Variants in CYRIA observed in about 807,000 individuals in gnomAD.
CYRIA encodes CYFIP related Rac1 interactor A.
CYRIA carries 15 observed loss-of-function variants against 43.9 expected under a neutral mutation model. The observed-to-expected ratio is 0.34, with a 90% CI of 0.23 to 0.53. The LOEUF is 0.53. Ranked by LOEUF, CYRIA falls within the 20% of genes least tolerant of loss-of-function variation. The pLI, the probability that CYRIA is intolerant of heterozygous loss-of-function variation, is 0.94. For missense variants in CYRIA, 236 were observed against 394.2 expected, an observed-to-expected ratio of 0.60 and a Z score of 3.40; for synonymous variants, 117 against 136.0, an observed-to-expected ratio of 0.86 and a Z score of 0.97.
intron 3 of CYRIA, among the ~76,000 whole-genome samples, chr2:16,583,207 G>A (rs1667611875): frequency 6.6e-6 from 1 of 152,170 alleles, no homozygotes; most frequent in Admixed American, 6.5e-5. Flanking sequence ...GATAGATCAA[G>A]TTATTTGCTG....
At chr2:16,563,892 G>A (rs1468167478) in intron 5 of CYRIA, 97 bp downstream of exon 5, 1 of 774,600 alleles carries the variant, frequency 1.3e-6, no homozygotes, top group Non-Finnish European at 2.1e-6. Context: ...GATGGATGTG[G>A]GACATTTTCC....
chr2:16,561,899 C>A, intron 6 of CYRIA, 106 bp downstream of exon 6: 1 of 1,068,378 alleles, frequency 9.4e-7, no homozygotes, highest in Non-Finnish European at 1.4e-6. Context: ...GGAATTACAT[C>A]TTACTCATTT....
intron 2 of CYRIA, among the ~76,000 whole-genome samples, chr2:16,602,460 G>A (rs73211565): frequency 0.031 from 4,733 of 152,084 alleles, 232 homozygotes; most frequent in South Asian, 0.094. Context: ...TCAAAGATGT[G>A]TCTGATTGCA....
At chr2:16,555,300 C>G (rs1214578744) in intron 10 of CYRIA, among the ~76,000 whole-genome samples, 161 bp from the exon 11 acceptor site, 1 of 152,160 alleles carries the variant, frequency 6.6e-6, no homozygotes, top group Non-Finnish European at 1.5e-5. Flanking sequence ...GGCTGGTGAG[C>G]TGTTCCTCTG....
chr2:16,642,979 C>T lies in CYRIA; in HGVS notation c.-166-18960G>A, dbSNP rs75365191. Among the ~76,000 whole-genome samples, 517 of 150,050 alleles carry T rather than the reference C, an allele frequency of 3.4e-3. 6 individuals carry two copies. Among genetic ancestry groups the T allele is most frequent in the African/African-American group, 0.012 (493 of 41,078 alleles). ...GAAGGCAATAAATATTCCTTTATTACCTTACCTTAAAGTTATTATTATTAT... is the reference window on the plus strand; with the variant it reads ...GAAGGCAATAAATATTCCTTTATTATCTTACCTTAAAGTTATTATTATTAT... On this transcript the variant is annotated intron_variant, in intron 1 of 11. Coordinates refer to ENST00000381323, the MANE Select transcript of CYRIA (RefSeq NM_030797.4).
intron 2 of CYRIA, among the ~76,000 whole-genome samples, chr2:16,606,359 C>A (rs926277722): frequency 4.0e-5 from 6 of 150,712 alleles, no homozygotes; most frequent in Admixed American, 4.0e-4. Flanking sequence ...TCCCGATGCC[C>A]TTCTCTTGGG....
At chr2:16,570,188 T>G (rs1206150375) in intron 3 of CYRIA, among the ~76,000 whole-genome samples, 3 of 152,144 alleles carry the variant, frequency 2.0e-5, no homozygotes, top group African/African-American at 7.2e-5. Flanking sequence ...TGACAAGGTC[T>G]GGCTCTGTCA....
chr2:16,626,719 C>T (rs1669179755), intron 1 of CYRIA, among the ~76,000 whole-genome samples: 1 of 152,128 alleles, frequency 6.6e-6, no homozygotes, highest in Non-Finnish European at 1.5e-5. Context: ...ACTCTCATCT[C>T]GCATCTCCAC....
intron 11 of CYRIA, 40 bp from the exon 12 acceptor site, chr2:16,553,039 T>C: frequency 1.6e-6 from 2 of 1,279,200 alleles, no homozygotes; most frequent in Non-Finnish European, 2.3e-6. Flanking sequence ...CGGCAAACAG[T>C]GCTCTGTGTA....
intron 1 of CYRIA, among the ~76,000 whole-genome samples, chr2:16,649,796 A>G (rs72777953): frequency 0.058 from 8,875 of 152,272 alleles, 332 homozygotes; most frequent in Middle Eastern, 0.12. Flanking sequence ...ACAGTTATAC[A>G]GTACAGAGCA....
In CYRIA at chr2:16,556,377, AG is replaced by A. The variant is rs548059990; in HGVS notation, c.838-1239del. Reference sequence around the variant, plus strand: ...GCCACCCCAGACCTGGGATGGCATCAGGCCCAGGGATGCAGAGATTCTGTCC... The same window carrying A: ...GCCACCCCAGACCTGGGATGGCATCAGCCCAGGGATGCAGAGATTCTGTCC... On this transcript the variant is annotated intron_variant, in intron 10 of 11. Transcript: ENST00000381323. 2.6e-5 allele frequency among the ~76,000 whole-genome samples: 4 copies of A among 152,268 alleles called. No homozygotes were observed. The South Asian group carries it at 8.3e-4, about 32-fold the overall frequency.
intron 9 of CYRIA, among the ~76,000 whole-genome samples, chr2:16,560,296 C>G (rs780057647): frequency 4.6e-5 from 7 of 152,106 alleles, no homozygotes; most frequent in Non-Finnish European, 1.0e-4. Context: ...TTAATGCCAT[C>G]TTACATTTGA....
intron 1 of CYRIA, among the ~76,000 whole-genome samples, chr2:16,634,644 C>T (rs1669436611): frequency 6.8e-6 from 1 of 147,912 alleles, no homozygotes; most frequent in Non-Finnish European, 1.5e-5. Context: ...CCCCACAGCA[C>T]ATCACAGTGA....
chr2:16,647,892 A>G (rs1274837974), intron 1 of CYRIA, among the ~76,000 whole-genome samples: 1 of 152,080 alleles, frequency 6.6e-6, no homozygotes. Context: ...GCTTCCAATG[A>G]GCAATACTCT....
At chr2:16,587,338 A>T (rs1159476926) in intron 3 of CYRIA, among the ~76,000 whole-genome samples, 1 of 152,124 alleles carries the variant, frequency 6.6e-6, no homozygotes, top group Admixed American at 6.5e-5. Context: ...AAAATACATG[A>T]TGGTTTTCTT....
chr2:16,554,276 A>G lies in CYRIA; in HGVS notation c.908+793T>C, dbSNP rs183785861. Among the ~76,000 whole-genome samples the G allele has an allele frequency of 1.9e-4, 29 of 152,302 alleles. No homozygotes were observed. In the East Asian group the frequency reaches 4.8e-3, roughly 25 times the overall value. On this transcript the variant is annotated intron_variant, in intron 11 of 11. Coordinates refer to ENST00000381323, the MANE Select transcript of CYRIA (RefSeq NM_030797.4). ...GGGACTCAAAGATGAATAAGACAAC[A>G]GGGACCATAAACCTTCTGGACTGCA... is the stretch of plus-strand genomic sequence containing the variant.
intron 1 of CYRIA, among the ~76,000 whole-genome samples, chr2:16,664,717 A>G (rs1670344875): frequency 6.6e-6 from 1 of 152,188 alleles, no homozygotes; most frequent in Admixed American, 6.5e-5. Flanking sequence ...CCCAGGTCCC[A>G]TCCAGAGGAG....
At chr2:16,609,803 A>C (rs1668529638) in intron 2 of CYRIA, among the ~76,000 whole-genome samples, 1 of 151,886 alleles carries the variant, frequency 6.6e-6, no homozygotes. Context: ...TTCTTCCTCC[A>C]TATTACAGGG....
intron 3 of CYRIA, among the ~76,000 whole-genome samples, chr2:16,585,255 T>C (rs563477308): frequency 9.9e-4 from 151 of 152,254 alleles, no homozygotes; most frequent in African/African-American, 3.5e-3. Context: ...AATGTCTTAG[T>C]TTGCAGACAA....
Sources: gnomAD v4.1 joint callset for allele counts (sites outside exome capture counted in the v4.1 genomes callset) on GRCh38, gnomAD v4.1.1 for gene constraint, MANE v1.5 for transcripts, NCBI Gene and HGNC (gene_info 2026-07-23, HGNC 2026-07-21) for gene names.